Variants in CTBS observed in about 807,000 individuals in gnomAD.
CTBS encodes di-N-acetylchitobiase.
CTBS carries 35 observed loss-of-function variants against 44.3 expected under a neutral mutation model. That is an observed-to-expected ratio of 0.79 (90% CI 0.60 to 1.05). The LOEUF is 1.05. CTBS is among the 50% of genes least tolerant of loss of function. The pLI is 0.00. For missense variants in CTBS, 458 were observed against 475.3 expected (o/e 0.96, Z 0.34); for synonymous variants, 143 against 168.0 (o/e 0.85, Z 1.15).
intron 2 of CTBS, 47 bp from the exon 3 acceptor site, chr1:84,570,186 C>A: frequency 6.6e-7 from 1 of 1,518,828 alleles, no homozygotes; most frequent in South Asian, 1.2e-5. Context: ...AAAAACATTT[C>A]ATTATTTTGG....
chr1:84,570,133 A>G lies in CTBS; in HGVS notation c.323T>C (p.Val108Ala). Residue 108 changes from valine (V) to alanine (A), a missense_variant, in exon 3 of 7, where the codon GTA becomes GCA. Physicochemically the swap from Val to Ala is moderately conservative, Grantham distance 64 (BLOSUM62 0). Coordinates refer to ENST00000370630, the MANE Select transcript of CTBS (RefSeq NM_004388.3). ...KGARVVLKGD[V>A]SLKDIIDPAF... is the part of the protein sequence containing the mutation. ...AGGATCAATGATATCCTTTAAGGATACATCTCCTGTGGAAGAAGTATATAT... is the reference window on the plus strand; with the variant it reads ...AGGATCAATGATATCCTTTAAGGATGCATCTCCTGTGGAAGAAGTATATAT... 6.2e-7 allele frequency: 1 copy of G among 1,609,670 alleles called. No individual in the cohort carries two copies. The highest frequency in any genetic ancestry group is 8.5e-7 in the Non-Finnish European group (1 of 1,178,594).
At chr1:84,572,017 A>G (rs895499537) in intron 1 of CTBS, among the ~76,000 whole-genome samples, 1 of 152,196 alleles carries the variant, frequency 6.6e-6, no homozygotes, top group Non-Finnish European at 1.5e-5. Context: ...AAAACCTTTA[A>G]AGTCGGTAGT....
rs993487459 is a variant in CTBS, at chr1:84,554,518, A to G, written c.*481T>C. The G allele has an allele frequency of 1.9e-5, 3 of 155,006 alleles. No individual in the cohort carries two copies. The highest frequency in any genetic ancestry group is 7.2e-5 in the African/African-American group (3 of 41,438). 9.6% of individuals were successfully genotyped at this position (155,006 alleles called of 1,614,324 possible). ...TTATTTTCATCAGTTTGATGAACCT[A>G]AAGGGGAGACACTACATTGTAGGTT... On this transcript the variant is annotated 3_prime_UTR_variant, in exon 7 of 7. Coordinates refer to ENST00000370630, the MANE Select transcript of CTBS (RefSeq NM_004388.3).
At chr1:84,571,410 G>A (rs1647294982) in intron 1 of CTBS, among the ~76,000 whole-genome samples, 1 of 152,202 alleles carries the variant, frequency 6.6e-6, no homozygotes, top group African/African-American at 2.4e-5. Context: ...TCTGGCTACT[G>A]CAGATGGAGC....
rs1216659331 is a variant in CTBS at position 84,563,831 on chromosome 1, TCCTAGTCAAGC to T, written c.698-10_698del. 1 of 1,602,390 alleles carries T rather than the reference TCCTAGTCAAGC, an allele frequency of 6.2e-7. No homozygotes were observed. On this transcript the variant is annotated splice_acceptor_variant and splice_polypyrimidine_tract_variant and coding_sequence_variant and intron_variant, in exon 5 of 7. Transcript: ENST00000370630. LOFTEE classifies it high-confidence loss of function. ...TGCTCATCTTGATGTAGTCATTATA[TCCTAGTCAAGC>T]AGGAGAGAAAAAGCATATTTGTTTC...
chr1:84,560,133 GGAAA>G (rs1369277237), intron 6 of CTBS, among the ~76,000 whole-genome samples: 106 of 136,878 alleles, frequency 7.7e-4, no homozygotes, highest in African/African-American at 2.5e-3. Context: ...AAGAAAGAAA[GGAAA>G]GAAAGAAAGA....
Position 84,552,938 on chromosome 1 carries a change from T to C in CTBS, c.*2061A>G. 1 of 743,496 alleles carries C rather than the reference T, an allele frequency of 1.3e-6. No homozygotes were observed. The highest frequency in any genetic ancestry group is 2.2e-6 in the Non-Finnish European group (1 of 455,366). 46.1% of individuals were successfully genotyped at this position (743,496 alleles called of 1,614,324 possible). On this transcript the variant is annotated 3_prime_UTR_variant, in exon 7 of 7. Coordinates refer to ENST00000370630, the MANE Select transcript of CTBS (RefSeq NM_004388.3). ...ACTGAAGCCAAATGAGAGAAGACAGTTAAAGCGGTTACAAAAACCCTGTTT... is the reference window on the plus strand; with the variant it reads ...ACTGAAGCCAAATGAGAGAAGACAGCTAAAGCGGTTACAAAAACCCTGTTT...
chr1:84,561,061 T>C (rs1321235309), intron 6 of CTBS, among the ~76,000 whole-genome samples: 1 of 152,240 alleles, frequency 6.6e-6, no homozygotes, highest in East Asian at 1.9e-4. Context: ...GAAATAGATT[T>C]TGTAAGGCTG....
rs1429259895 is a variant in CTBS, at chr1:84,551,615, T to C, written c.*3384A>G. 1 of 152,160 alleles carries C rather than the reference T, an allele frequency of 6.6e-6. No individual in the cohort carries two copies. The highest frequency in any genetic ancestry group is 1.5e-5 in the Non-Finnish European group (1 of 68,004). 9.4% of individuals were successfully genotyped at this position (152,160 alleles called of 1,614,324 possible). Reference sequence around the variant, plus strand: ...CTTCTACTATACTGGACAGTGCAGTTCTAGATTCTTTTTACAAGCAGCATT... The same window carrying C: ...CTTCTACTATACTGGACAGTGCAGTCCTAGATTCTTTTTACAAGCAGCATT... On this transcript the variant is annotated 3_prime_UTR_variant, in exon 7 of 7. Transcript: ENST00000370630.
chr1:84,564,714 C>T (rs1325388827), intron 4 of CTBS, among the ~76,000 whole-genome samples: 1 of 152,060 alleles, frequency 6.6e-6, no homozygotes, highest in Non-Finnish European at 1.5e-5. Flanking sequence ...TTAATAATTA[C>T]TTCGTAATTT....
Position 84,570,115 on chromosome 1 carries a change from A to G in CTBS, c.341T>C (p.Ile114Thr), listed in dbSNP as rs1467476894. Residue 114 changes from isoleucine (I) to threonine (T), a missense_variant, in exon 3 of 7, where the codon ATT (isoleucine) becomes ACT (threonine). Physicochemically the swap from Ile to Thr is moderately conservative, Grantham distance 89 (BLOSUM62 -1). Transcript: ENST00000370630. Reference protein sequence around the residue: ...LKGDVSLKDIIDPAFRASWIA... With the variant: ...LKGDVSLKDITDPAFRASWIA... ...CCAGGATGCTCTGAAAGCAGGATCA[A>G]TGATATCCTTTAAGGATACATCTCC... The G allele has an allele frequency of 6.2e-7, 1 of 1,613,086 alleles. No individual in the cohort carries two copies. Among genetic ancestry groups the G allele is most frequent in the Non-Finnish European group, 8.5e-7 (1 of 1,179,676 alleles).
chr1:84,559,375 C>T (rs1343962201), intron 6 of CTBS, among the ~76,000 whole-genome samples: 1 of 152,170 alleles, frequency 6.6e-6, no homozygotes, highest in African/African-American at 2.4e-5. Flanking sequence ...AATGCCAACA[C>T]TTTGGAAGGC....
chr1:84,566,789 C>A lies in CTBS; in HGVS notation c.526-777G>T, dbSNP rs781714579. Among the ~76,000 whole-genome samples, 7 of 152,112 alleles carry A rather than the reference C, an allele frequency of 4.6e-5. No individual in the cohort carries two copies. The South Asian group carries it at 1.2e-3, about 27-fold the overall frequency. Reference sequence around the variant, plus strand: ...CTGGGATTACAGGCATGCGCCACCACGCCCAGCTAATTTTTTTGTATTTTT... The same window carrying A: ...CTGGGATTACAGGCATGCGCCACCAAGCCCAGCTAATTTTTTTGTATTTTT... On this transcript the variant is annotated intron_variant, in intron 3 of 6. Transcript: ENST00000370630.
intron 6 of CTBS, among the ~76,000 whole-genome samples, chr1:84,558,951 C>A (rs1252958183): frequency 2.6e-5 from 4 of 152,118 alleles, no homozygotes; most frequent in African/African-American, 9.6e-5. Flanking sequence ...AAGGAAAAAA[C>A]AAGCCACAGA....
chr1:84,572,340 T>G (rs1647334157), intron 1 of CTBS, among the ~76,000 whole-genome samples: 1 of 152,122 alleles, frequency 6.6e-6, no homozygotes, highest in African/African-American at 2.4e-5. Flanking sequence ...CATTGTTTTC[T>G]GACTCATATT....
At chr1:84,558,570 C>T (rs1172325788) in intron 6 of CTBS, among the ~76,000 whole-genome samples, 3 of 149,766 alleles carry the variant, frequency 2.0e-5, no homozygotes, top group Non-Finnish European at 4.4e-5. Flanking sequence ...GGATTACAGG[C>T]GTGAGCCACC....
intron 5 of CTBS, 59 bp downstream of exon 5, chr1:84,563,676 G>A (rs1199297037): frequency 2.5e-5 from 25 of 1,014,500 alleles, no homozygotes; most frequent in Middle Eastern, 6.5e-4. Flanking sequence ...AATGAAAACA[G>A]AGAGACTCTA....
Position 84,566,016 on chromosome 1 carries a change from T to C in CTBS, c.526-4A>G. 1 of 1,511,410 alleles carries C rather than the reference T, an allele frequency of 6.6e-7. No individual in the cohort carries two copies. The highest frequency in any genetic ancestry group is 8.8e-7 in the Non-Finnish European group (1 of 1,130,310). The allele number at this position is 1,511,410 out of a possible 1,614,324, so 93.6% of individuals were successfully genotyped here. On this transcript the variant is annotated splice_polypyrimidine_tract_variant and splice_region_variant and intron_variant, in intron 3 of 6. Coordinates refer to ENST00000370630, the MANE Select transcript of CTBS (RefSeq NM_004388.3). ...ACCAAGCTACATCAAAGGTTACCTGTGGAAAAAAATCTTACTATTTTATGT... is the reference window on the plus strand; with the variant it reads ...ACCAAGCTACATCAAAGGTTACCTGCGGAAAAAAATCTTACTATTTTATGT...
chr1:84,565,284 G>A (rs1684669642), intron 4 of CTBS, among the ~76,000 whole-genome samples: 1 of 151,766 alleles, frequency 6.6e-6, no homozygotes, highest in Non-Finnish European at 1.5e-5. Context: ...TCCAAACTTT[G>A]AAGAGGATAA....
Sources: gnomAD v4.1 joint callset for allele counts (sites outside exome capture counted in the v4.1 genomes callset) on GRCh38, gnomAD v4.1.1 for gene constraint, MANE v1.5 for transcripts, NCBI Gene and HGNC (gene_info 2026-07-23, HGNC 2026-07-21) for gene names.